ABI3BP: variants seen among roughly 807,000 people sequenced by gnomAD.
The protein encoded by ABI3BP is target of Nesh-SH3.
Under a neutral mutation model 268.6 loss-of-function variants are expected in ABI3BP, and 216 were observed. The ratio of observed to expected loss-of-function variants is 0.80; its 90% CI spans 0.72 to 0.90. ABI3BP has a LOEUF of 0.90. ABI3BP is among the 40% of genes least tolerant of loss of function. ABI3BP has a pLI of 0.00. For synonymous variants in ABI3BP, 730 were observed against 730.0 expected, an observed-to-expected ratio of 1.00 and a Z score of 0.00; for missense variants, 2,090 against 2,182.4, an observed-to-expected ratio of 0.96 and a Z score of 0.84.
intron 1 of ABI3BP, among the ~76,000 whole-genome samples, chr3:100,969,475 G>T (rs1284222723): frequency 6.6e-6 from 1 of 152,100 alleles, no homozygotes. Flanking sequence ...AATAAATGTG[G>T]CCAGCAGCAG....
At chr3:100,759,907 G>A (rs9290213) in intron 63 of ABI3BP, among the ~76,000 whole-genome samples, 5,400 of 152,260 alleles carry the variant, frequency 0.035, 256 homozygotes, top group African/African-American at 0.11. Context: ...GAGATGTTGA[G>A]AAGTTAATAC....
chr3:100,812,868 A>T (rs2097897873), intron 45 of ABI3BP, among the ~76,000 whole-genome samples: 1 of 152,154 alleles, frequency 6.6e-6, no homozygotes, highest in Non-Finnish European at 1.5e-5. Context: ...ACTAATACTG[A>T]CTTTTAAAAT....
At chr3:100,954,446 C>T (rs970616255) in intron 1 of ABI3BP, among the ~76,000 whole-genome samples, 7 of 152,206 alleles carry the variant, frequency 4.6e-5, no homozygotes, top group South Asian at 2.1e-4. Flanking sequence ...CTTATTTTCA[C>T]GTACATGCCC....
chr3:100,852,404 A>C lies in ABI3BP; in HGVS notation c.1286-464T>G, dbSNP rs542865262. ...TTACAATATCTTATGTATGGACAGC[A>C]CTTCACAGTTTGCAGAGACTTACTC... On this transcript the variant is annotated intron_variant, in intron 14 of 67. Transcript: ENST00000471714. Among the ~76,000 whole-genome samples the C allele has an allele frequency of 6.6e-5, 10 of 152,348 alleles. No individual in the cohort carries two copies. The South Asian group carries it at 2.1e-3, about 32-fold the overall frequency.
chr3:100,919,416 T>G (rs551225756), intron 2 of ABI3BP, among the ~76,000 whole-genome samples: 1 of 152,114 alleles, frequency 6.6e-6, no homozygotes, highest in South Asian at 2.1e-4. Context: ...CATGGTAAAA[T>G]AGGAAAAATT....
chr3:100,986,960 T>A (rs2091939369), intron 1 of ABI3BP, among the ~76,000 whole-genome samples: 2 of 152,212 alleles, frequency 1.3e-5, no homozygotes, highest in African/African-American at 4.8e-5. Context: ...TGATACTATT[T>A]ATTTTTACTT....
At chr3:100,985,756 G>A (rs986006171) in intron 1 of ABI3BP, among the ~76,000 whole-genome samples, 1 of 152,164 alleles carries the variant, frequency 6.6e-6, no homozygotes, top group African/African-American at 2.4e-5. Context: ...AATTCTCAGA[G>A]ATTTCTTATA....
chr3:100,926,714 G>A (rs1393834292), intron 1 of ABI3BP, among the ~76,000 whole-genome samples: 1 of 152,126 alleles, frequency 6.6e-6, no homozygotes, highest in Non-Finnish European at 1.5e-5. Context: ...TTATTATTGG[G>A]CAGGTAGATG....
At chr3:100,812,872 T>C (rs2097898071) in intron 45 of ABI3BP, among the ~76,000 whole-genome samples, 1 of 152,188 alleles carries the variant, frequency 6.6e-6, no homozygotes, top group Non-Finnish European at 1.5e-5. Flanking sequence ...ATACTGACTT[T>C]TAAAATTTGC....
chr3:100,945,498 A>G, intron 1 of ABI3BP: 1 of 271,862 alleles, frequency 3.7e-6, no homozygotes, highest in Non-Finnish European at 7.3e-6. Context: ...TTAATAGTAA[A>G]TCTCTCTGTT....
At chr3:100,856,089 C>T (rs559236844) in intron 14 of ABI3BP, among the ~76,000 whole-genome samples, 162 of 152,312 alleles carry the variant, frequency 1.1e-3, no homozygotes, top group African/African-American at 2.0e-3. Context: ...CCTACTCCTT[C>T]GTTTTCTCCT....
chr3:100,927,791 AT>A lies in ABI3BP; in HGVS notation c.80-1311del, dbSNP rs573266185. 1.9e-3 allele frequency among the ~76,000 whole-genome samples: 293 copies of A among 152,236 alleles called. 1 individual carries two copies. Among genetic ancestry groups the A allele is most frequent in the Middle Eastern group, 3.4e-3 (1 of 294 alleles). On this transcript the variant is annotated intron_variant, in intron 1 of 67. Coordinates refer to ENST00000471714, the MANE Select transcript of ABI3BP (RefSeq NM_001375547.2). ...GATTACAATTCAACATGAGATTTGA[AT>A]GGGGACATAGAGCCAAATCATATCA...
intron 29 of ABI3BP, among the ~76,000 whole-genome samples, chr3:100,833,798 T>C (rs2098531502): frequency 6.6e-6 from 1 of 152,228 alleles, no homozygotes; most frequent in Non-Finnish European, 1.5e-5. Flanking sequence ...GCATTCGAAG[T>C]GCTCTTTGTA....
intron 59 of ABI3BP, among the ~76,000 whole-genome samples, chr3:100,777,395 C>T (rs182257656): frequency 6.6e-6 from 1 of 152,312 alleles, no homozygotes; most frequent in Admixed American, 6.5e-5. Context: ...ATTTTACTGA[C>T]TCAATTTCAT....
intron 19 of ABI3BP, among the ~76,000 whole-genome samples, chr3:100,846,824 A>G (rs898212168): frequency 6.6e-6 from 1 of 152,154 alleles, no homozygotes; most frequent in Non-Finnish European, 1.5e-5. Flanking sequence ...CTAGGGGGAA[A>G]AAACACCATG....
intron 26 of ABI3BP, 116 bp downstream of exon 26, chr3:100,838,094 A>G: frequency 8.2e-7 from 1 of 1,213,692 alleles, no homozygotes; most frequent in Non-Finnish European, 1.2e-6. Context: ...AAGATAATGA[A>G]CAAAATTATG....
At chr3:100,800,714 C>T (rs540441027) in intron 51 of ABI3BP, among the ~76,000 whole-genome samples, 2 of 152,270 alleles carry the variant, frequency 1.3e-5, no homozygotes, top group South Asian at 2.1e-4. Flanking sequence ...CTCCTGACCT[C>T]GTGATCCTCC....
chr3:100,917,998 C>T (rs1189944094), intron 2 of ABI3BP, among the ~76,000 whole-genome samples: 2 of 151,946 alleles, frequency 1.3e-5, no homozygotes, highest in African/African-American at 4.8e-5. Flanking sequence ...CTTTAAAAAT[C>T]CCCTTTGAAG....
chr3:100,824,368 G>A (rs1012051188), intron 36 of ABI3BP, among the ~76,000 whole-genome samples: 12 of 152,062 alleles, frequency 7.9e-5, no homozygotes, highest in South Asian at 2.1e-4. Context: ...AGCCCACCTC[G>A]ATCTTATCTT....
Sources: allele counts gnomAD v4.1 joint callset (sites outside exome capture counted in the v4.1 genomes callset), GRCh38; gene constraint gnomAD v4.1.1; transcripts MANE v1.5; gene names NCBI Gene and HGNC (gene_info 2026-07-23, HGNC 2026-07-21).